Variants in PRKN observed in about 807,000 individuals in gnomAD.
PRKN encodes the protein parkin RBR E3 ubiquitin protein ligase, also known as E3 ubiquitin-protein ligase parkin.
PRKN carries 56 observed loss-of-function variants against 59.5 expected under a neutral mutation model. That is an observed-to-expected ratio of 0.94 (90% CI 0.76 to 1.18). The LOEUF is 1.18. Ranked by LOEUF, PRKN falls within the 50% of genes most tolerant of loss-of-function variation. The pLI is 0.00. For synonymous variants in PRKN, 250 were observed against 222.1 expected (o/e 1.13, Z -1.12); for missense variants, 657 against 596.4 (o/e 1.10, Z -1.06).
intron 3 of PRKN, among the ~76,000 whole-genome samples, chr6:162,217,133 T>A (rs978930833): frequency 5.9e-5 from 9 of 152,166 alleles, no homozygotes; most frequent in Non-Finnish European, 1.2e-4. Context: ...AGGAAAATGA[T>A]TCATATCAGA....
At chr6:162,462,288 A>G (rs755707284) in intron 1 of PRKN, among the ~76,000 whole-genome samples, 1 of 152,248 alleles carries the variant, frequency 6.6e-6, no homozygotes, top group Non-Finnish European at 1.5e-5. Context: ...GAATTGAAAG[A>G]TATTCTAAAA....
chr6:161,724,394 G>A (rs75422276), intron 7 of PRKN, among the ~76,000 whole-genome samples: 4,691 of 152,244 alleles, frequency 0.031, 70 homozygotes, highest in African/African-American at 0.039. Context: ...AAAGAGACCT[G>A]GTTGAAAAAT....
In PRKN at chr6:162,686,090, A is replaced by T. The variant is rs73599904; in HGVS notation, c.7+41572T>A. On this transcript the variant is annotated intron_variant, in intron 1 of 11. Transcript: ENST00000366898. ...AGGGATGTGGTGGCTACAGCAACATAAAAAAAAGTTAATTTTAAAATATTA... is the reference window on the plus strand; with the variant it reads ...AGGGATGTGGTGGCTACAGCAACATTAAAAAAAGTTAATTTTAAAATATTA... Among the ~76,000 whole-genome samples the T allele has an allele frequency of 7.6e-4, 115 of 152,176 alleles. 1 individual carries two copies. The highest frequency in any genetic ancestry group is 2.6e-3 in the African/African-American group (109 of 41,500).
chr6:161,512,960 T>C (rs1778448180), intron 9 of PRKN, among the ~76,000 whole-genome samples: 1 of 152,178 alleles, frequency 6.6e-6, no homozygotes, highest in East Asian at 1.9e-4. Context: ...TGTAAGAACT[T>C]TGGGAGTCAT....
At chr6:161,662,480 C>G (rs1784583879) in intron 7 of PRKN, among the ~76,000 whole-genome samples, 1 of 152,170 alleles carries the variant, frequency 6.6e-6, no homozygotes, top group Admixed American at 6.5e-5. Flanking sequence ...ATGGCAGTGG[C>G]AGGTGCAGCA....
At chr6:162,054,015 C>A in intron 5 of PRKN, 76 bp downstream of exon 5, 12 of 955,104 alleles carry the variant, frequency 1.3e-5, no homozygotes, top group South Asian at 1.0e-4. Flanking sequence ...GACATTTTGT[C>A]TCTAATTTCC....
chr6:161,777,814 ATGTG>A (rs1562676459), intron 7 of PRKN, among the ~76,000 whole-genome samples: 4,508 of 143,648 alleles, frequency 0.031, 302 homozygotes, highest in African/African-American at 0.11. Context: ...ATATGTATAT[ATGTG>A]TATATATGTA....
At chr6:162,342,006 A>G (rs1404549430) in intron 2 of PRKN, among the ~76,000 whole-genome samples, 1 of 152,072 alleles carries the variant, frequency 6.6e-6, no homozygotes, top group African/African-American at 2.4e-5. Context: ...TTGCTTTTTA[A>G]TGAAATAGTT....
rs77657723 is a variant in PRKN, at chr6:161,437,401, A to G, written c.1084-50524T>C. On this transcript the variant is annotated intron_variant, in intron 9 of 11. Transcript: ENST00000366898. ...ATCGCACAACTCAGAACAGTGAGCA[A>G]TTTAAAACTTAGGAAGTGTTGAGCT... is the stretch of plus-strand genomic sequence containing the variant. Among the ~76,000 whole-genome samples the G allele has an allele frequency of 8.0e-3, 1,213 of 152,316 alleles. 14 individuals carry two copies. The highest frequency in any genetic ancestry group is 0.062 in the East Asian group (319 of 5,184).
At chr6:161,812,226 G>T (rs952291617) in intron 6 of PRKN, among the ~76,000 whole-genome samples, 2 of 151,790 alleles carry the variant, frequency 1.3e-5, no homozygotes, top group Non-Finnish European at 2.9e-5. Context: ...GTCTCTAAAA[G>T]AATAAAAATA....
intron 5 of PRKN, among the ~76,000 whole-genome samples, chr6:162,010,295 T>C (rs1256830770): frequency 8.0e-6 from 1 of 125,634 alleles, no homozygotes; most frequent in Non-Finnish European, 1.6e-5. Flanking sequence ...ATATATTTTA[T>C]ATATTTATTA....
intron 5 of PRKN, among the ~76,000 whole-genome samples, chr6:162,030,925 C>T (rs1783612210): frequency 6.6e-6 from 1 of 152,180 alleles, no homozygotes; most frequent in Admixed American, 6.5e-5. Flanking sequence ...AGCCCCTCCA[C>T]CCTAATTCTG....
At chr6:162,329,230 ATGAGGACGGAAGAGCGGG>A (rs1206614940) in intron 2 of PRKN, among the ~76,000 whole-genome samples, 1 of 152,116 alleles carries the variant, frequency 6.6e-6, no homozygotes, top group Non-Finnish European at 1.5e-5. Flanking sequence ...GTGAGTGAAA[ATGAGGACGGAAGAGCGGG>A]TGCAGCACGG....
chr6:162,615,006 T>C (rs149529361), intron 1 of PRKN, among the ~76,000 whole-genome samples: 2 of 152,324 alleles, frequency 1.3e-5, no homozygotes, highest in East Asian at 3.9e-4. Flanking sequence ...GGTGATTGGA[T>C]ATGACAGTAA....
In PRKN at chr6:162,164,197, A is replaced by G. The variant is rs1583134349; in HGVS notation, c.534+36934T>C. ...CTCGCTAATTAGTATTTAGCAAAAA[A>G]AGGTTTTGAGTGGTCAACCTGTGTA... On this transcript the variant is annotated intron_variant, in intron 4 of 11. Transcript: ENST00000366898. Among the ~76,000 whole-genome samples the G allele has an allele frequency of 1.3e-5, 2 of 148,904 alleles. 1 individual carries two copies. Among genetic ancestry groups the G allele is most frequent in the Admixed American group, 1.3e-4 (2 of 14,958 alleles).
At chr6:162,490,296 T>C (rs1337710946) in intron 1 of PRKN, among the ~76,000 whole-genome samples, 1 of 152,212 alleles carries the variant, frequency 6.6e-6, no homozygotes, top group Non-Finnish European at 1.5e-5. Context: ...TAAGCAAACA[T>C]TTATTTACTT....
At chr6:162,044,396 G>C (rs570636737) in intron 5 of PRKN, among the ~76,000 whole-genome samples, 2 of 152,314 alleles carry the variant, frequency 1.3e-5, no homozygotes, top group Middle Eastern at 3.4e-3. Flanking sequence ...GGCTCCTGCA[G>C]GAGCTCCTCC....
rs920405229 is a variant in PRKN at position 161,405,376 on chromosome 6, G to A, written c.1084-18499C>T. 2.6e-5 allele frequency among the ~76,000 whole-genome samples: 4 copies of A among 152,054 alleles called. No homozygotes were observed. Among genetic ancestry groups the A allele is most frequent in the South Asian group, 2.1e-4 (1 of 4,806 alleles). On this transcript the variant is annotated intron_variant, in intron 9 of 11. Coordinates refer to ENST00000366898, the MANE Select transcript of PRKN (RefSeq NM_004562.3). The surrounding 1 kb of genome is among the most constrained non-coding windows in gnomAD (Gnocchi z 5.1). The stretch of plus-strand genomic sequence containing the variant: ...GTGGATCAATTGAGGTCAGGAGTTC[G>A]AGACCAGCCTGGCCAACATGGTGAA...
chr6:161,386,978 G>C lies in PRKN; in HGVS notation c.1084-101C>G, dbSNP rs1786282948. ...TTCATTATATTCATTCCTCTGGCTT[G>C]TGCAACAGTTTCTGTATAAAAATAC... is the stretch of plus-strand genomic sequence containing the variant. On this transcript the variant is annotated intron_variant, in intron 9 of 11. Coordinates refer to ENST00000366898, the MANE Select transcript of PRKN (RefSeq NM_004562.3). This position sits in a 1 kb window ranked among gnomAD's most constrained non-coding sequence, Gnocchi z 4.3. 2.2e-6 allele frequency: 2 copies of C among 920,628 alleles called. No individual in the cohort carries two copies. Among genetic ancestry groups the C allele is most frequent in the South Asian group, 2.6e-5 (2 of 75,918 alleles). 57.0% of individuals were successfully genotyped at this position (920,628 alleles called of 1,614,324 possible).
Sources: allele counts gnomAD v4.1 joint callset (sites outside exome capture counted in the v4.1 genomes callset), GRCh38; gene constraint gnomAD v4.1.1; non-coding constraint Gnocchi (gnomAD v3.1); transcripts MANE v1.5; gene names NCBI Gene and HGNC (gene_info 2026-07-23, HGNC 2026-07-21).